Variants in AQR observed in about 807,000 individuals in gnomAD.
The protein encoded by AQR is RNA helicase aquarius.
A neutral mutation model predicts 180.5 loss-of-function variants in AQR; 61 were observed. The observed-to-expected ratio is 0.34, with a 90% confidence interval of 0.28 to 0.42. The LOEUF is 0.42. Among genes scored for constraint, AQR ranks in the 10% least tolerant of loss-of-function variants. The pLI, the probability that AQR is intolerant of heterozygous loss-of-function variation, is 1.00. For synonymous variants in AQR, 551 were observed against 588.8 expected, an observed-to-expected ratio of 0.94 and a Z score of 0.93; for missense variants, 1,281 against 1,798.3, an observed-to-expected ratio of 0.71 and a Z score of 5.20.
chr15:34,874,371 T>G, intron 29 of AQR: 1 of 341,872 alleles, frequency 2.9e-6, no homozygotes, highest in Non-Finnish European at 5.2e-6. Context: ...ACTTTATTTT[T>G]AGATTTTAAA....
At chr15:34,887,100 G>A (rs1485375201) in intron 24 of AQR, among the ~76,000 whole-genome samples, 1 of 151,744 alleles carries the variant, frequency 6.6e-6, no homozygotes, top group Non-Finnish European at 1.5e-5. Context: ...ACTCCAGCCT[G>A]GGCGACAAAG....
At chr15:34,944,215 G>C in intron 6 of AQR, 73 bp downstream of exon 6, 1 of 1,395,866 alleles carries the variant, frequency 7.2e-7, no homozygotes. Flanking sequence ...GGCTACAGAG[G>C]TAATTTCATC....
At chr15:34,878,358 C>T (rs191031075) in intron 27 of AQR, among the ~76,000 whole-genome samples, 159 of 137,088 alleles carry the variant, frequency 1.2e-3, no homozygotes, top group Non-Finnish European at 2.1e-3. Flanking sequence ...TGCACTCCAG[C>T]CTGGGAAAAA....
Position 34,853,211 on chromosome 15 carries a change from C to T in AQR, c.*3581G>A, listed in dbSNP as rs931695487. On this transcript the variant is annotated 3_prime_UTR_variant, in exon 35 of 35. Transcript: ENST00000156471. ...AGCATTTTTCACAGGAAGCAAGGCA[C>T]TGCTCTTCTGGCTTATGCAAAAGGG... 2.0e-5 allele frequency: 3 copies of T among 151,222 alleles called. No homozygotes were observed. Among genetic ancestry groups the T allele is most frequent in the African/African-American group, 7.3e-5 (3 of 41,026 alleles). The allele number at this position is 151,222 out of a possible 1,614,324, so 9.4% of individuals were successfully genotyped here. A position where few individuals can be genotyped will look rare whatever the true frequency, so the allele number is the denominator to read the frequency against.
chr15:34,873,411 C>T (rs925696586), intron 30 of AQR, among the ~76,000 whole-genome samples: 29 of 151,982 alleles, frequency 1.9e-4, no homozygotes, highest in African/African-American at 6.5e-4. Flanking sequence ...ATATGAATTG[C>T]ATATTCATAT....
At chr15:34,882,408 T>C (rs997012095) in intron 27 of AQR, 94 bp downstream of exon 27, 1 of 1,272,020 alleles carries the variant, frequency 7.9e-7, no homozygotes, top group Non-Finnish European at 1.0e-6. Flanking sequence ...AAAAGAAACA[T>C]TTTAAGGTAA....
intron 9 of AQR, among the ~76,000 whole-genome samples, chr15:34,936,577 A>C (rs10152264): frequency 2.6e-4 from 39 of 152,166 alleles, no homozygotes; most frequent in African/African-American, 8.9e-4. Flanking sequence ...TTAGCCGGGC[A>C]TGGTGGTGTG....
chr15:34,940,566 G>A (rs2140496712), intron 8 of AQR, among the ~76,000 whole-genome samples: 1 of 152,172 alleles, frequency 6.6e-6, no homozygotes, highest in South Asian at 2.1e-4. Flanking sequence ...GTAAGAAAAA[G>A]AAAGAGAAGT....
chr15:34,945,751 T>C (rs1190653447), intron 5 of AQR, among the ~76,000 whole-genome samples: 1 of 152,220 alleles, frequency 6.6e-6, no homozygotes, highest in East Asian at 1.9e-4. Context: ...CCTTTTCACT[T>C]TGGTGACCAT....
rs190970693 is a variant in AQR at position 34,944,741 on chromosome 15, G to T, written c.331-313C>A. Among the ~76,000 whole-genome samples, 132 of 152,268 alleles carry T rather than the reference G, an allele frequency of 8.7e-4. 1 individual carries two copies. Among genetic ancestry groups the T allele is most frequent in the South Asian group, 5.8e-3 (28 of 4,830 alleles). On this transcript the variant is annotated intron_variant, in intron 5 of 34. Transcript: ENST00000156471. ...TTTGTTTTCTTATTAAGGATCTGAA[G>T]TGTTTTAATTTCTCTGATTTAAACA...
intron 4 of AQR, among the ~76,000 whole-genome samples, chr15:34,951,451 T>C (rs991830888): frequency 6.6e-6 from 1 of 152,072 alleles, no homozygotes; most frequent in South Asian, 2.1e-4. Context: ...AGGCAGGCAA[T>C]CACAAGTTCA....
rs375521507 is a variant in AQR at position 34,897,636 on chromosome 15, G to A, written c.2313C>T (p.Thr771=). The change falls in exon 21 of 35, where the codon ACC becomes ACT. Residue 771 remains threonine (T), a synonymous_variant. Coordinates refer to ENST00000156471, the MANE Select transcript of AQR (RefSeq NM_014691.3). ...RKDADVEDED[T]EEAKTLIVEP... is the part of the protein sequence containing the mutation. ...CAACAATTAAGGTTTTTGCTTCCTC[G>A]GTGTCTTCATCTTCCACATCCGCAT... 23 of 1,613,802 alleles carry A rather than the reference G, an allele frequency of 1.4e-5. No homozygotes were observed. In the African/African-American group the frequency reaches 1.5e-4, roughly 10 times the overall value.
intron 2 of AQR, among the ~76,000 whole-genome samples, chr15:34,963,551 C>T (rs967862193): frequency 1.3e-5 from 2 of 151,852 alleles, no homozygotes; most frequent in African/African-American, 4.8e-5. Context: ...ACAAAAATTT[C>T]TGTATATTTA....
At chr15:34,884,883 C>T in intron 25 of AQR, 149 bp from the exon 26 acceptor site, 1 of 640,382 alleles carries the variant, frequency 1.6e-6, no homozygotes, top group Non-Finnish European at 2.6e-6. Context: ...ATTCTTCATT[C>T]CTGTAACTGA....
At chr15:34,911,871 T>C (rs2140481653) in intron 16 of AQR, among the ~76,000 whole-genome samples, 1 of 151,090 alleles carries the variant, frequency 6.6e-6, no homozygotes, top group East Asian at 2.0e-4. Flanking sequence ...CCAAGACAAA[T>C]GTTATGGAGC....
In AQR at chr15:34,896,946, T is replaced by C. The variant is rs1241036911; in HGVS notation, c.2411A>G (p.His804Arg). Residue 804 changes from histidine (H) to arginine (R), a missense_variant, in exon 22 of 35, where the codon CAT (histidine) becomes CGT (arginine). This residue lies in a region of AQR where 112 missense variants were observed against 128.6 expected (regional missense o/e 0.87). Coordinates refer to ENST00000156471, the MANE Select transcript of AQR (RefSeq NM_014691.3). ...AGCACGGATGGCTTCTATCTGTGTATGAGTGAACTGAATCGTATTACTGCA... is the reference window on the plus strand; with the variant it reads ...AGCACGGATGGCTTCTATCTGTGTACGAGTGAACTGAATCGTATTACTGCA... ...QPKRNTIQFTHTQIEAIRAGM... is the reference protein window; with the variant it reads ...QPKRNTIQFTRTQIEAIRAGM... 6.2e-7 allele frequency: 1 copy of C among 1,613,196 alleles called. No individual in the cohort carries two copies. Among genetic ancestry groups the C allele is most frequent in the East Asian group, 2.2e-5 (1 of 44,892 alleles).
intron 1 of AQR, among the ~76,000 whole-genome samples, chr15:34,967,402 T>C (rs560221673): frequency 6.6e-6 from 1 of 152,328 alleles, no homozygotes; most frequent in Non-Finnish European, 1.5e-5. Flanking sequence ...TATGAAACTA[T>C]ACCGTTCATC....
chr15:34,910,039 A>G, intron 17 of AQR, 96 bp downstream of exon 17: 3 of 1,387,422 alleles, frequency 2.2e-6, no homozygotes, highest in Non-Finnish European at 3.0e-6. Flanking sequence ...TAAAAGCTTT[A>G]AAGGATAACA....
intron 34 of AQR, among the ~76,000 whole-genome samples, chr15:34,858,331 A>G (rs1245060745): frequency 7.3e-5 from 11 of 150,692 alleles, no homozygotes; most frequent in Non-Finnish European, 1.3e-4. Context: ...AAAAAAAAAA[A>G]AAAAAAAAAA....
Sources: gnomAD v4.1 joint callset for allele counts (sites outside exome capture counted in the v4.1 genomes callset) on GRCh38, gnomAD v4.1.1 for gene constraint, gnomAD v4.1.1 regional missense constraint, MANE v1.5 for transcripts, NCBI Gene and HGNC (gene_info 2026-07-23, HGNC 2026-07-21) for gene names.